LRRIQ1: variants seen among roughly 807,000 people sequenced by gnomAD.
LRRIQ1 encodes the protein leucine rich repeats and IQ motif containing 1.
Under a neutral mutation model 211.9 loss-of-function variants are expected in LRRIQ1, and 210 were observed. That is an observed-to-expected ratio of 0.99 (90% CI 0.89 to 1.11). The LOEUF is 1.11. Ranked by LOEUF, LRRIQ1 falls within the 50% of genes most tolerant of loss-of-function variation. The pLI is 0.00. For synonymous variants in LRRIQ1, 699 were observed against 650.1 expected (o/e 1.08, Z -1.14); for missense variants, 2,136 against 1,939.5 (o/e 1.10, Z -1.90).
At chr12:85,111,772 A>G (rs545666497) in intron 15 of LRRIQ1, among the ~76,000 whole-genome samples, 19 of 152,168 alleles carry the variant, frequency 1.2e-4, no homozygotes, top group African/African-American at 4.1e-4. Flanking sequence ...CAGCAAACCG[A>G]TAAGAGATTA....
chr12:85,259,981 A>C (rs773561884), intron 1 of LRRIQ1, among the ~76,000 whole-genome samples: 5 of 152,052 alleles, frequency 3.3e-5, no homozygotes, highest in Admixed American at 6.6e-5. Context: ...TTAAGAATAA[A>C]AGTTTGATCT....
intron 15 of LRRIQ1, among the ~76,000 whole-genome samples, chr12:85,114,675 T>TTTATA (rs71445021): frequency 0.28 from 42,839 of 151,618 alleles, 6,145 homozygotes; most frequent in Admixed American, 0.33. Flanking sequence ...ATAAATAATA[T>TTTATA]TTATAAGTAT....
intron 6 of LRRIQ1, among the ~76,000 whole-genome samples, chr12:85,051,032 G>A (rs181910556): frequency 1.2e-3 from 185 of 152,248 alleles, no homozygotes; most frequent in Non-Finnish European, 8.7e-4. Context: ...AGTGTTGGAG[G>A]TGGGGCCTAG....
At chr12:85,051,530 A>G (rs1456318927) in intron 6 of LRRIQ1, among the ~76,000 whole-genome samples, 1 of 152,196 alleles carries the variant, frequency 6.6e-6, no homozygotes, top group Admixed American at 6.5e-5. Context: ...TCTCTTCTTG[A>G]AAACCTAGTG....
chr12:85,056,301 A>T lies in LRRIQ1; in HGVS notation c.1508A>T (p.Tyr503Phe). 3.1e-6 allele frequency: 5 copies of T among 1,590,234 alleles called. No individual in the cohort carries two copies. Among genetic ancestry groups the T allele is most frequent in the Non-Finnish European group, 4.3e-6 (5 of 1,174,024 alleles). ...SEELVKQERKYENTDNKTELG... is the reference protein window; with the variant it reads ...SEELVKQERKFENTDNKTELG... ...GAATTGGTCAAGCAAGAAAGAAAAT[A>T]TGAAAATACAGATAACAAAACTGAA... Residue 503 changes from tyrosine (Y) to phenylalanine (F), a missense_variant, in exon 8 of 27, where the codon TAT becomes TTT. Transcript: ENST00000393217.
chr12:85,098,215 G>A (rs1445255441), intron 11 of LRRIQ1, 140 bp from the exon 12 acceptor site: 2 of 566,520 alleles, frequency 3.5e-6, no homozygotes, highest in Admixed American at 7.3e-5. Context: ...GTTTCACCAG[G>A]AATTTGGACT....
chr12:85,196,154 C>G (rs1459147678), intron 24 of LRRIQ1, among the ~76,000 whole-genome samples: 12 of 151,976 alleles, frequency 7.9e-5, no homozygotes. Flanking sequence ...GAACTACAAA[C>G]CACTGCTCAA....
intron 24 of LRRIQ1, among the ~76,000 whole-genome samples, chr12:85,163,399 T>C (rs1355481560): frequency 2.0e-5 from 3 of 152,224 alleles, no homozygotes; most frequent in African/African-American, 7.2e-5. Context: ...TAGGTTCATA[T>C]TGAATAATTC....
intron 24 of LRRIQ1, among the ~76,000 whole-genome samples, chr12:85,190,780 C>A (rs1892474527): frequency 6.6e-6 from 1 of 151,760 alleles, no homozygotes; most frequent in Non-Finnish European, 1.5e-5. Context: ...AGTGTAGACA[C>A]CACTGCTGAG....
chr12:85,117,227 T>C (rs11612337), intron 15 of LRRIQ1, among the ~76,000 whole-genome samples: 35,878 of 152,088 alleles, frequency 0.24, 4,827 homozygotes, highest in African/African-American at 0.34. Context: ...CAGAGTGTTA[T>C]CTTGCTTTGA....
At chr12:85,206,816 G>A (rs964439988) in intron 24 of LRRIQ1, among the ~76,000 whole-genome samples, 1 of 152,062 alleles carries the variant, frequency 6.6e-6, no homozygotes. Context: ...AGGGGAGGCC[G>A]GCAGACAGAG....
chr12:85,090,084 C>G (rs1000112721), intron 11 of LRRIQ1, among the ~76,000 whole-genome samples: 1 of 152,224 alleles, frequency 6.6e-6, no homozygotes, highest in Non-Finnish European at 1.5e-5. Context: ...GGAGCCCAGG[C>G]ACAGCTTGGA....
At position 85,126,624 on chromosome 12, in the gene LRRIQ1, A is replaced by G. The variant is rs548269053; in HGVS notation, c.4008-1208A>G. On this transcript the variant is annotated intron_variant, in intron 17 of 26. Transcript: ENST00000393217. Reference sequence around the variant, plus strand: ...TTTTTTTCAAAGTACTGGAAATTCAAATAGCTTATCTTAGACCATATATTT... The same window carrying G: ...TTTTTTTCAAAGTACTGGAAATTCAGATAGCTTATCTTAGACCATATATTT... 2.3e-3 allele frequency among the ~76,000 whole-genome samples: 356 copies of G among 152,276 alleles called. 1 individual carries two copies. Among genetic ancestry groups the G allele is most frequent in the Non-Finnish European group, 4.2e-3 (287 of 67,998 alleles).
chr12:85,152,401 A>T, intron 20 of LRRIQ1, 32 bp downstream of exon 20: 1 of 1,520,904 alleles, frequency 6.6e-7, no homozygotes, highest in Non-Finnish European at 9.1e-7. Context: ...TGAGTCCTCG[A>T]TCTTTGCTCA....
At position 85,252,962 on chromosome 12, in the gene LRRIQ1, A is replaced by T. The variant is rs563931864; in HGVS notation, c.121+8053A>T. ...AGGGCAGTCTCTGTACCTTATGATT[A>T]CACTTAATATAAGTAAATGATACAG... On this transcript the variant is annotated intron_variant, in intron 1 of 1. Coordinates refer to the LRRIQ1 transcript ENST00000602731. Among the ~76,000 whole-genome samples, 15 of 152,072 alleles carry T rather than the reference A, an allele frequency of 9.9e-5. 1 individual carries two copies. The highest frequency in any genetic ancestry group is 3.6e-4 in the African/African-American group (15 of 41,546).
chr12:85,215,485 G>T (rs1421968610), intron 24 of LRRIQ1, among the ~76,000 whole-genome samples: 2 of 151,942 alleles, frequency 1.3e-5, no homozygotes, highest in African/African-American at 2.4e-5. Flanking sequence ...TATTTTTCCT[G>T]ATCTTCTCCC....
intron 16 of LRRIQ1, among the ~76,000 whole-genome samples, chr12:85,122,666 G>A (rs1888069492): frequency 1.3e-5 from 2 of 151,884 alleles, no homozygotes. Flanking sequence ...ATATATGCTT[G>A]TCCTATGTAA....
In LRRIQ1 at chr12:85,256,211, T is replaced by G. The variant is rs565556637; in HGVS notation, c.122-6704T>G. 2.0e-5 allele frequency among the ~76,000 whole-genome samples: 3 copies of G among 151,796 alleles called. No homozygotes were observed. In the South Asian group the frequency reaches 6.2e-4, roughly 31 times the overall value. On this transcript the variant is annotated intron_variant, in intron 1 of 1. Transcript: ENST00000602731. ...GTAAGAGAACTAGTTGTACATATGT[T>G]AGCTACATTTATTCTTTATTAAAAA...
At chr12:85,121,055 C>T (rs1486564756) in intron 15 of LRRIQ1, among the ~76,000 whole-genome samples, 1 of 152,104 alleles carries the variant, frequency 6.6e-6, no homozygotes, top group African/African-American at 2.4e-5. Context: ...GCAACCTCCA[C>T]CTCCCCGGTT....
Sources: gnomAD v4.1 joint callset for allele counts (sites outside exome capture counted in the v4.1 genomes callset) on GRCh38, gnomAD v4.1.1 for gene constraint, MANE v1.5 for transcripts, NCBI Gene and HGNC (gene_info 2026-07-23, HGNC 2026-07-21) for gene names.